Variants in PDXK observed in about 807,000 individuals in gnomAD.
PDXK encodes epididymis secretory sperm binding protein Li 1a.
Under a neutral mutation model 43.2 loss-of-function variants are expected in PDXK, and 15 were observed. The observed-to-expected ratio is 0.35, with a 90% CI of 0.23 to 0.53. The LOEUF (loss-of-function observed/expected upper bound fraction) is 0.53, where lower values mean the gene tolerates loss of function less well. Ranked by LOEUF, PDXK falls within the 20% of genes least tolerant of loss-of-function variation. The pLI, the probability that PDXK is intolerant of heterozygous loss-of-function variation, is 0.92. For synonymous variants in PDXK, 172 were observed against 165.4 expected (o/e 1.04, Z -0.31); for missense variants, 343 against 417.0 (o/e 0.82, Z 1.54).
chr21:43,729,864 A>G (rs1431271768), intron 1 of PDXK, among the ~76,000 whole-genome samples: 1 of 152,090 alleles, frequency 6.6e-6, no homozygotes, highest in African/African-American at 2.4e-5. Context: ...GAATCAATTG[A>G]GCCCAGGAGG....
intron 1 of PDXK, among the ~76,000 whole-genome samples, chr21:43,720,847 G>C (rs549036248): frequency 6.6e-6 from 1 of 152,312 alleles, no homozygotes; most frequent in African/African-American, 2.4e-5. Context: ...TGCAGGTCCT[G>C]CTGTGTCTGT....
chr21:43,729,531 G>A (rs2083291224), intron 1 of PDXK, among the ~76,000 whole-genome samples: 1 of 152,232 alleles, frequency 6.6e-6, no homozygotes, highest in Admixed American at 6.5e-5. Context: ...GGAGTGGGAC[G>A]CTCCGGGAGT....
intron 1 of PDXK, among the ~76,000 whole-genome samples, chr21:43,733,288 C>T (rs906014991): frequency 2.9e-5 from 4 of 137,452 alleles, no homozygotes; most frequent in Admixed American, 7.7e-5. Flanking sequence ...TGGAAACAGC[C>T]GCTGTCCTGG....
At chr21:43,742,386 T>G (rs1283026763) in intron 3 of PDXK, among the ~76,000 whole-genome samples, 1 of 152,136 alleles carries the variant, frequency 6.6e-6, no homozygotes, top group Non-Finnish European at 1.5e-5. Context: ...TTTGCCATGT[T>G]GCCCAGGCTG....
chr21:43,743,241 G>A (rs1450386146), intron 3 of PDXK, among the ~76,000 whole-genome samples: 48 of 61,482 alleles, frequency 7.8e-4, no homozygotes, highest in African/African-American at 3.0e-3. Flanking sequence ...GGGACACCTC[G>A]CCTGCACCCA....
At chr21:43,749,303 C>T (rs186549492) in intron 6 of PDXK, among the ~76,000 whole-genome samples, 7 of 152,278 alleles carry the variant, frequency 4.6e-5, no homozygotes, top group Non-Finnish European at 1.0e-4. Context: ...CGGGGTTTCA[C>T]CATGTTGGCC....
chr21:43,720,288 G>C (rs535004874), intron 1 of PDXK, among the ~76,000 whole-genome samples: 1 of 152,316 alleles, frequency 6.6e-6, no homozygotes, highest in South Asian at 2.1e-4. Context: ...CTGCGGCCTG[G>C]TCACTGGGGA....
chr21:43,749,962 C>T (rs575223475), intron 6 of PDXK, among the ~76,000 whole-genome samples: 8 of 152,144 alleles, frequency 5.3e-5, no homozygotes, highest in African/African-American at 1.9e-4. Context: ...GAGCTGCCCG[C>T]GGAGGGGGCT....
chr21:43,748,703 C>CCTCT lies in PDXK; in HGVS notation c.379-288_379-285dup, dbSNP rs954265464. Among the ~76,000 whole-genome samples the CCTCT allele has an allele frequency of 2.6e-5, 4 of 152,138 alleles. No homozygotes were observed. In the East Asian group the frequency reaches 7.7e-4, roughly 29 times the overall value. ...TCCTCGTCTCCCTCCTCCCTCCCTCCCTCTCTCCTTCACCTCCTTCTCCTC... is the reference window on the plus strand; with the variant it reads ...TCCTCGTCTCCCTCCTCCCTCCCTCCCTCTCTCTCTCCTTCACCTCCTTCTCCTC... On this transcript the variant is annotated intron_variant, in intron 5 of 10. Transcript: ENST00000291565.
chr21:43,732,066 A>G lies in PDXK; in HGVS notation c.88-2003A>G. The G allele has an allele frequency of 1.1e-6, 1 of 922,280 alleles. No homozygotes were observed. The highest frequency in any genetic ancestry group is 2.9e-5 in the South Asian group (1 of 34,552). The allele number at this position is 922,280 out of a possible 1,614,324, so 57.1% of individuals were successfully genotyped here. On this transcript the variant is annotated intron_variant, in intron 1 of 10. Transcript: ENST00000291565. The surrounding 1 kb of genome is among the most constrained non-coding windows in gnomAD (Gnocchi z 4.1). ...GCTGCTATGGGAAGGGACGGTCACT[A>G]CCGCTGCCCCTGTGGGGAGAAGAGC...
At chr21:43,744,983 T>C (rs1045034456) in intron 4 of PDXK, among the ~76,000 whole-genome samples, 2 of 152,290 alleles carry the variant, frequency 1.3e-5, no homozygotes, top group East Asian at 1.9e-4. Flanking sequence ...GAGGACATGA[T>C]GCTTAGTGAA....
rs377683960 is a variant in PDXK at position 43,747,464 on chromosome 21, G to A, written c.378+1339G>A. On this transcript the variant is annotated intron_variant, in intron 5 of 10. Coordinates refer to ENST00000291565, the MANE Select transcript of PDXK (RefSeq NM_003681.5). Reference sequence around the variant, plus strand: ...CCTGGGCCTGTGCCCTCCCTGCCCCGCTGGGTCAGTGGTTGAAGTCAGGAT... The same window carrying A: ...CCTGGGCCTGTGCCCTCCCTGCCCCACTGGGTCAGTGGTTGAAGTCAGGAT... Among the ~76,000 whole-genome samples, 10 of 152,372 alleles carry A rather than the reference G, an allele frequency of 6.6e-5. No homozygotes were observed. The East Asian group carries it at 1.2e-3, about 18-fold the overall frequency.
chr21:43,742,894 T>A (rs1278101168), intron 3 of PDXK, among the ~76,000 whole-genome samples: 1 of 152,144 alleles, frequency 6.6e-6, no homozygotes, highest in Non-Finnish European at 1.5e-5. Flanking sequence ...AAGTGTCATA[T>A]GCTTATTACT....
chr21:43,742,947 C>T (rs748729083), intron 3 of PDXK, among the ~76,000 whole-genome samples: 14 of 152,166 alleles, frequency 9.2e-5, no homozygotes, highest in Non-Finnish European at 5.9e-5. Context: ...TCCTTCACCT[C>T]TCGCCCGTGG....
chr21:43,725,952 C>T (rs916413675), intron 1 of PDXK, among the ~76,000 whole-genome samples: 1 of 152,152 alleles, frequency 6.6e-6, no homozygotes, highest in Admixed American at 6.5e-5. Context: ...GTCCTCGGAA[C>T]GTTCCCACGT....
Position 43,755,768 on chromosome 21 carries a change from C to T in PDXK, c.826+4C>T, listed in dbSNP as rs568224218. 13 of 1,612,746 alleles carry T rather than the reference C, an allele frequency of 8.1e-6. No individual in the cohort carries two copies. Among genetic ancestry groups the T allele is most frequent in the South Asian group, 3.3e-5 (3 of 91,066 alleles). ...AGGACCATCCAGTGTGCAAAAGGTA[C>T]GGCGGCCGGGCTGCATGGGCTGCGT... On this transcript the variant is annotated splice_donor_region_variant and intron_variant, in intron 10 of 10. Transcript: ENST00000291565.
At chr21:43,751,727 C>T (rs887300419) in intron 7 of PDXK, among the ~76,000 whole-genome samples, 4 of 152,100 alleles carry the variant, frequency 2.6e-5, no homozygotes, top group African/African-American at 4.8e-5. Context: ...TCGAGGGGCC[C>T]ATGCTGCTCC....
intron 1 of PDXK, chr21:43,728,970 TGGCTTTCTCTCTCGGCAGGAGAC>T: frequency 1.0e-6 from 1 of 985,602 alleles, no homozygotes; most frequent in Non-Finnish European, 1.2e-6. Flanking sequence ...GCCATCTGAC[TGGCTTTCTCTCTCGGCAGGAGAC>T]GGGGCGCACG....
chr21:43,739,093 C>T (rs1049543184), intron 2 of PDXK, among the ~76,000 whole-genome samples: 3 of 152,066 alleles, frequency 2.0e-5, no homozygotes, highest in African/African-American at 7.2e-5. Flanking sequence ...GCAACCACGC[C>T]CGGCTAATTT....
Sources: gnomAD v4.1 joint callset for allele counts (sites outside exome capture counted in the v4.1 genomes callset) on GRCh38, gnomAD v4.1.1 for gene constraint, Gnocchi (gnomAD v3.1) non-coding constraint, MANE v1.5 for transcripts, NCBI Gene and HGNC (gene_info 2026-07-23, HGNC 2026-07-21) for gene names.